The following TEX101 variants were observed in gnomAD, a reference collection of about 807,000 sequenced individuals.
TEX101 encodes the protein testis-expressed protein 101.
A neutral mutation model predicts 18.1 loss-of-function variants in TEX101; 10 were observed. The ratio of observed to expected loss-of-function variants is 0.55; its 90% CI spans 0.34 to 0.94. The LOEUF is 0.94. Among genes scored for constraint, TEX101 ranks in the 40% least tolerant of loss-of-function variants. TEX101 has a pLI of 0.02. For missense variants in TEX101, 259 were observed against 298.9 expected (o/e 0.87, Z 0.98); for synonymous variants, 94 against 114.8 (o/e 0.82, Z 1.16).
At chr19:43,399,802 ATTTTTTTTTT>A (rs71169230), upstream of TEX101, among the ~76,000 whole-genome samples, 8 of 113,282 alleles carry the variant, frequency 7.1e-5, no homozygotes, top group African/African-American at 2.7e-4. Flanking sequence ...CCTATGTCCT[ATTTTTTTTTT>A]TTTTTTTTTT....
At chr19:43,392,883 C>G in the TEX101 span, among the ~76,000 whole-genome samples, 1 of 152,022 alleles carries the variant, frequency 6.6e-6, no homozygotes, top group Admixed American at 6.6e-5. Context: ...CATGGTGAAA[C>G]CCTGTCTCTA....
rs749495666 is a variant in TEX101 at position 43,416,569 on chromosome 19, G to A, written c.391+14G>A. On this transcript the variant is annotated intron_variant, in intron 4 of 5. Coordinates refer to ENST00000598265, the MANE Select transcript of TEX101 (RefSeq NM_001130011.3). The stretch of plus-strand genomic sequence containing the variant: ...GTGAGACCACAGGTACCCTGGAAGT[G>A]GGGGAGATAGGTACTAAGAGAAACT... The A allele has an allele frequency of 1.9e-6, 3 of 1,608,232 alleles. No individual in the cohort carries two copies. Among genetic ancestry groups the A allele is most frequent in the Non-Finnish European group, 2.5e-6 (3 of 1,176,646 alleles).
intron 3 of TEX101, among the ~76,000 whole-genome samples, chr19:43,406,938 T>TG (rs550520578): frequency 1.4e-3 from 130 of 95,570 alleles, no homozygotes; most frequent in South Asian, 2.7e-3. Context: ...TTTGTTTTTT[T>TG]TTTTTTTTTT....
upstream of TEX101, among the ~76,000 whole-genome samples, chr19:43,399,955 C>T (rs1467623920): frequency 6.6e-6 from 1 of 152,058 alleles, no homozygotes; most frequent in Non-Finnish European, 1.5e-5. Flanking sequence ...GCTGGGATTA[C>T]AGGTACAAGC....
the TEX101 span, among the ~76,000 whole-genome samples, chr19:43,388,818 T>C: frequency 1.3e-5 from 2 of 152,226 alleles, no homozygotes; most frequent in African/African-American, 2.4e-5. Flanking sequence ...AAGTTTCTTT[T>C]ACTTCTATGG....
chr19:43,399,795 A>G (rs1970303582), upstream of TEX101, among the ~76,000 whole-genome samples: 1 of 141,296 alleles, frequency 7.1e-6, no homozygotes, highest in Non-Finnish European at 1.5e-5. Flanking sequence ...GTTGGCTCCT[A>G]TGTCCTATTT....
At chr19:43,400,213 T>C (rs187000764), upstream of TEX101, among the ~76,000 whole-genome samples, 2 of 152,362 alleles carry the variant, frequency 1.3e-5, no homozygotes, top group Non-Finnish European at 2.9e-5. Context: ...TTACTTCATA[T>C]CTGAAATCAG....
At chr19:43,392,769 A>T in the TEX101 span, among the ~76,000 whole-genome samples, 3 of 152,152 alleles carry the variant, frequency 2.0e-5, no homozygotes, top group East Asian at 5.8e-4. Context: ...ACAGAAACAG[A>T]AAGAAGAGGC....
chr19:43,390,212 C>T, the TEX101 span, among the ~76,000 whole-genome samples: 1 of 152,040 alleles, frequency 6.6e-6, no homozygotes, highest in African/African-American at 2.4e-5. Context: ...AAATTTGCAT[C>T]CGTGTGTATC....
chr19:43,393,094 A>AGGAT, the TEX101 span, among the ~76,000 whole-genome samples: 2 of 151,064 alleles, frequency 1.3e-5, no homozygotes, highest in Non-Finnish European at 3.0e-5. Context: ...GAAGGAAGGA[A>AGGAT]GGAAGGAAGG....
the TEX101 span, among the ~76,000 whole-genome samples, chr19:43,393,039 CAG>C: frequency 0.026 from 3,287 of 124,912 alleles, 139 homozygotes; most frequent in African/African-American, 0.11. Context: ...GCCTGGGTGA[CAG>C]AGTGAGACTC....
chr19:43,397,205 CGCT>C (rs1170266284), upstream of TEX101, among the ~76,000 whole-genome samples: 4 of 152,084 alleles, frequency 2.6e-5, no homozygotes, highest in African/African-American at 9.7e-5. Flanking sequence ...GGAGTGAAGA[CGCT>C]AGCCAGGTGC....
At chr19:43,412,551 C>A (rs778470088), upstream of TEX101, among the ~76,000 whole-genome samples, 1 of 152,088 alleles carries the variant, frequency 6.6e-6, no homozygotes, top group Non-Finnish European at 1.5e-5. Context: ...CTTCCAAGGT[C>A]TCTTCTAGGT....
In TEX101 at chr19:43,416,494, G is replaced by A. The variant is rs746974991; in HGVS notation, c.330G>A (p.Glu110=). ...LIVTSYSNYC[E]DSFCNDKDSL... ...TGACCTCCTACAGTAACTACTGTGA[G>A]GATTCCTTCTGTAATGACAAAGACA... Residue 110 remains glutamate (E), a synonymous_variant, in exon 4 of 6, where the codon GAG becomes GAA. Transcript: ENST00000598265. The A allele has an allele frequency of 5.6e-5, 90 of 1,614,032 alleles. No individual in the cohort carries two copies. Among genetic ancestry groups the A allele is most frequent in the Non-Finnish European group, 7.5e-5 (89 of 1,180,022 alleles).
In TEX101 at chr19:43,417,949, C is replaced by G. The variant is rs770448264; in HGVS notation, c.463C>G (p.Leu155Val). The change falls in exon 5 of 6, where the codon CTT (leucine) becomes GTT (valine). Residue 155 changes from leucine to valine, a missense_variant. Transcript: ENST00000598265. ...GGGGACCTGTTTCAGTGCTCCTTCT[C>G]TTCCCTGTCCCAATGGTACAACTCG... ...ALGTCFSAPSLPCPNGTTRCY... is the reference protein window; with the variant it reads ...ALGTCFSAPSVPCPNGTTRCY... 2 of 1,614,196 alleles carry G rather than the reference C, an allele frequency of 1.2e-6. No individual in the cohort carries two copies. Among genetic ancestry groups the G allele is most frequent in the Non-Finnish European group, 1.7e-6 (2 of 1,180,040 alleles).
At chr19:43,390,450 C>CTTTT in the TEX101 span, among the ~76,000 whole-genome samples, 31 of 62,832 alleles carry the variant, frequency 4.9e-4, no homozygotes, top group African/African-American at 1.1e-3. Flanking sequence ...CTTTTCTTTT[C>CTTTT]TTTTTTTTTC....
At chr19:43,414,827 C>G (rs963093999), upstream of TEX101, 8 of 985,164 alleles carry the variant, frequency 8.1e-6, no homozygotes, top group Non-Finnish European at 9.6e-6. Context: ...TTATCCGATG[C>G]TTTTGCATCC....
intron 2 of TEX101, among the ~76,000 whole-genome samples, chr19:43,404,205 A>G (rs1471704494): frequency 6.6e-6 from 1 of 151,496 alleles, no homozygotes; most frequent in Admixed American, 6.6e-5. Flanking sequence ...AGGGATACTC[A>G]TCTTCAGCAG....
upstream of TEX101, among the ~76,000 whole-genome samples, chr19:43,397,456 C>G (rs201027365): frequency 1.1e-5 from 1 of 89,458 alleles, no homozygotes; most frequent in Non-Finnish European, 2.3e-5. Flanking sequence ...ACACATCATC[C>G]TTTGTTTTCA....
Sources: gnomAD v4.1 joint callset for allele counts (sites outside exome capture counted in the v4.1 genomes callset) on GRCh38, gnomAD v4.1.1 for gene constraint, MANE v1.5 for transcripts, NCBI Gene and HGNC (gene_info 2026-07-23, HGNC 2026-07-21) for gene names.